The following ANKRD18B variants were observed in gnomAD, a reference collection of about 807,000 sequenced individuals.
ANKRD18B encodes ankyrin repeat domain-containing protein 18B.
In ANKRD18B, 75 loss-of-function variants were observed where a neutral mutation model predicts 111.8. That is an observed-to-expected ratio of 0.67 (90% CI 0.56 to 0.81). The LOEUF is 0.81. Ranked by LOEUF, ANKRD18B falls within the 40% of genes least tolerant of loss-of-function variation. The pLI, the probability that ANKRD18B is intolerant of heterozygous loss-of-function variation, is 0.00. For missense variants in ANKRD18B, 1,038 were observed against 1,225.5 expected (o/e 0.85, Z 2.28); for synonymous variants, 356 against 417.3 (o/e 0.85, Z 1.79).
In ANKRD18B at chr9:33,534,407, A is replaced by C. The variant is rs777659311; in HGVS notation, c.640A>C (p.Ser214Arg). The C allele has an allele frequency of 7.1e-6, 11 of 1,550,522 alleles. No individual in the cohort carries two copies. The South Asian group carries it at 1.3e-4, about 19-fold the overall frequency. Reference protein sequence around the residue: ...LILAVQHNLSSIVTLLLQQNI... With the variant: ...LILAVQHNLSRIVTLLLQQNI... ...ACTTGCAGTACAGCATAACTTGTCA[A>C]GTATCGTCACCCTCCTGCTTCAACA... is the stretch of plus-strand genomic sequence containing the variant. Residue 214 changes from serine (S) to arginine (R), a missense_variant, in exon 5 of 19, where the codon AGT becomes CGT. By Grantham distance (110) the Ser-to-Arg change is moderately radical. Around this residue, in one of 4 missense-constraint regions of ANKRD18B, gnomAD observed 93 missense variants for 141.3 expected, o/e 0.66. Coordinates refer to ENST00000684830, the MANE Select transcript of ANKRD18B (RefSeq NM_001393611.1).
chr9:33,552,012 T>C (rs1828454169), intron 12 of ANKRD18B, among the ~76,000 whole-genome samples: 1 of 152,252 alleles, frequency 6.6e-6, no homozygotes, highest in Admixed American at 6.5e-5. Context: ...AATTTTGTCT[T>C]AACATAAATT....
intron 17 of ANKRD18B, among the ~76,000 whole-genome samples, chr9:33,570,285 A>G (rs537697193): frequency 2.6e-4 from 40 of 152,324 alleles, no homozygotes; most frequent in African/African-American, 8.9e-4. Flanking sequence ...AATAGACACC[A>G]GGAAATAAGA....
chr9:33,550,477 A>T lies in ANKRD18B; in HGVS notation c.2115A>T (p.Lys705Asn). The T allele has an allele frequency of 4.5e-6, 7 of 1,547,938 alleles. No individual in the cohort carries two copies. The highest frequency in any genetic ancestry group is 6.1e-6 in the Non-Finnish European group (7 of 1,145,392). Residue 705 changes from lysine (K) to asparagine (N), a missense_variant, in exon 12 of 19, where the codon AAA (lysine) becomes AAT (asparagine). By Grantham distance (94) the Lys-to-Asn change is moderately conservative (BLOSUM62 0). Coordinates refer to ENST00000684830, the MANE Select transcript of ANKRD18B (RefSeq NM_001393611.1). The stretch of plus-strand genomic sequence containing the variant: ...AAGAACTGGTCGATCATCTTAAAAA[A>T]TTTTCAATGTCAGAGTCTCCACTGG... The part of the protein sequence containing the change: ...FQEELVDHLK[K>N]FSMSESPLEG...
chr9:33,549,541 C>T (rs2985606), intron 11 of ANKRD18B, among the ~76,000 whole-genome samples: 4 of 152,118 alleles, frequency 2.6e-5, no homozygotes, highest in African/African-American at 7.2e-5. Context: ...TTAAGTGAGC[C>T]GCTTTGACAC....
chr9:33,575,214 A>G (rs1468795798), downstream of ANKRD18B, among the ~76,000 whole-genome samples: 3 of 152,202 alleles, frequency 2.0e-5, no homozygotes, highest in Non-Finnish European at 4.4e-5. Flanking sequence ...GACCACCAGG[A>G]CAACCCCATC....
intron 10 of ANKRD18B, among the ~76,000 whole-genome samples, chr9:33,547,409 A>G (rs1243461553): frequency 1.3e-5 from 2 of 152,182 alleles, no homozygotes; most frequent in Non-Finnish European, 2.9e-5. Flanking sequence ...TGTAATTCTT[A>G]CAACTGACTA....
chr9:33,527,398 T>C (rs973369406), intron 1 of ANKRD18B, among the ~76,000 whole-genome samples: 2 of 152,146 alleles, frequency 1.3e-5, no homozygotes, highest in African/African-American at 4.8e-5. Context: ...CTCAGCTCAC[T>C]GCAACCTCTG....
In ANKRD18B at chr9:33,534,579, T is replaced by C. The variant is rs1563900057; in HGVS notation, c.740+72T>C. The C allele has an allele frequency of 2.8e-6, 4 of 1,436,482 alleles. No individual in the cohort carries two copies. In the East Asian group the frequency reaches 7.7e-5, roughly 28 times the overall value. The allele number at this position is 1,436,482 out of a possible 1,614,324, so 89.0% of individuals were successfully genotyped here. A position where few individuals can be genotyped will look rare whatever the true frequency, so the allele number is the denominator to read the frequency against. On this transcript the variant is annotated intron_variant, in intron 5 of 18. Transcript: ENST00000684830. ...AAATAATTATAACTATTGCATCTTA[T>C]ACATTAGGTGACAGTTCATAGTTTG...
chr9:33,562,604 T>A (rs1828622896), intron 14 of ANKRD18B, among the ~76,000 whole-genome samples: 1 of 152,198 alleles, frequency 6.6e-6, no homozygotes, highest in South Asian at 2.1e-4. Context: ...GATTAGTATT[T>A]TGAATTTCAA....
intron 1 of ANKRD18B, 54 bp downstream of exon 1, chr9:33,524,749 C>A: frequency 1.3e-6 from 2 of 1,517,226 alleles, no homozygotes; most frequent in Non-Finnish European, 1.8e-6. Flanking sequence ...GGTTTCCCCG[C>A]ACCGCCTGAG....
At chr9:33,533,572 C>A (rs1828147496) in intron 4 of ANKRD18B, 27 bp downstream of exon 4, 5 of 1,525,642 alleles carry the variant, frequency 3.3e-6, no homozygotes, top group Non-Finnish European at 3.5e-6. Context: ...TTTCTGTTTT[C>A]TTTTTTCCTA....
intron 5 of ANKRD18B, among the ~76,000 whole-genome samples, chr9:33,535,766 A>G (rs1310438043): frequency 7.1e-6 from 1 of 139,970 alleles, no homozygotes; most frequent in Admixed American, 7.1e-5. Context: ...TTTAATATTT[A>G]TATTATCATT....
At position 33,561,816 on chromosome 9, in the gene ANKRD18B, A is replaced by G. The variant is rs187426968; in HGVS notation, c.2460+3629A>G. ...TGTTAACCTTGTATAAAATCAATTG[A>G]CTGTAAATGTGCAGGCTTATTTTTA... On this transcript the variant is annotated intron_variant, in intron 14 of 18. Coordinates refer to ENST00000684830, the MANE Select transcript of ANKRD18B (RefSeq NM_001393611.1). Among the ~76,000 whole-genome samples, 261 of 152,286 alleles carry G rather than the reference A, an allele frequency of 1.7e-3. 1 individual carries two copies. The highest frequency in any genetic ancestry group is 5.9e-3 in the African/African-American group (246 of 41,578).
chr9:33,558,925 G>A (rs563062096), intron 14 of ANKRD18B, among the ~76,000 whole-genome samples: 1 of 152,224 alleles, frequency 6.6e-6, no homozygotes, highest in South Asian at 2.1e-4. Context: ...GAGTTGTAGG[G>A]AAAATCATAA....
chr9:33,526,144 T>A (rs1828021965), intron 1 of ANKRD18B, among the ~76,000 whole-genome samples: 1 of 152,214 alleles, frequency 6.6e-6, no homozygotes, highest in Non-Finnish European at 1.5e-5. Context: ...CTGCTTGAAG[T>A]GTAAGTTGCT....
chr9:33,526,613 A>G (rs2996358), intron 1 of ANKRD18B, among the ~76,000 whole-genome samples: 1 of 152,216 alleles, frequency 6.6e-6, no homozygotes, highest in African/African-American at 2.4e-5. Context: ...AGAAATGTGA[A>G]TCTTGTACAG....
chr9:33,528,956 A>T (rs775365186), intron 2 of ANKRD18B, 44 bp from the exon 3 acceptor site: 2 of 1,606,088 alleles, frequency 1.2e-6, no homozygotes, highest in Non-Finnish European at 1.7e-6. Flanking sequence ...ATGTATTTTG[A>T]ATTCTTAGAA....
At position 33,540,123 on chromosome 9, in the gene ANKRD18B, T is replaced by A. The variant is rs1193748569; in HGVS notation, c.908T>A (p.Leu303Ter). The change falls in exon 8 of 19, where the codon TTA (leucine) becomes TAA (stop). Residue 303 changes from leucine to a stop codon, truncating the protein, a stop_gained. Coordinates refer to ENST00000684830, the MANE Select transcript of ANKRD18B (RefSeq NM_001393611.1). LOFTEE classifies it high-confidence loss of function. ...GGAGTCCAGTGGCATGATCTCAGAT[T>A]ACTGCAGCCTTCACCTCCCAGGTTC... is the stretch of plus-strand genomic sequence containing the variant. ...QSGVQWHDLR[L>*]LQPSPPRFKQ... 1 of 151,566 alleles carries A rather than the reference T, an allele frequency of 6.6e-6. No homozygotes were observed. The highest frequency in any genetic ancestry group is 2.4e-5 in the African/African-American group (1 of 41,182). 9.4% of individuals were successfully genotyped at this position (151,566 alleles called of 1,614,324 possible).
intron 10 of ANKRD18B, among the ~76,000 whole-genome samples, chr9:33,547,681 AGTGT>A (rs55918212): frequency 0.067 from 9,824 of 146,146 alleles, 499 homozygotes; most frequent in African/African-American, 0.14. Flanking sequence ...AATTCTCTAG[AGTGT>A]GTGTGTGTGT....
Sources: allele counts gnomAD v4.1 joint callset (sites outside exome capture counted in the v4.1 genomes callset), GRCh38; gene constraint gnomAD v4.1.1; regional missense constraint gnomAD v4.1.1; transcripts MANE v1.5; gene names NCBI Gene and HGNC (gene_info 2026-07-23, HGNC 2026-07-21).